ACSM6: variants seen among roughly 807,000 people sequenced by gnomAD.
ACSM6 encodes acyl-CoA synthetase medium chain family member 6, also known as acyl-coenzyme A synthetase ACSM6, mitochondrial.
A neutral mutation model predicts 51.1 loss-of-function variants in ACSM6; 35 were observed. The observed-to-expected ratio is 0.69, with a 90% CI of 0.52 to 0.91. The LOEUF (loss-of-function observed/expected upper bound fraction) is 0.91, where lower values mean the gene tolerates loss of function less well. Among genes scored for constraint, ACSM6 ranks in the 40% least tolerant of loss-of-function variants. The pLI is 0.00. For synonymous variants in ACSM6, 172 were observed against 207.3 expected (o/e 0.83, Z 1.46); for missense variants, 509 against 584.1 (o/e 0.87, Z 1.32).
chr10:95,194,727 T>C, intron 2 of ACSM6, 50 bp downstream of exon 2: 1 of 1,466,772 alleles, frequency 6.8e-7, no homozygotes, highest in East Asian at 2.5e-5. Flanking sequence ...GGCCAGTTGG[T>C]AAAGCGTCCA....
intron 7 of ACSM6, 88 bp from the exon 8 acceptor site, chr10:95,214,764 G>A: frequency 7.1e-7 from 1 of 1,406,574 alleles, no homozygotes; most frequent in Non-Finnish European, 9.6e-7. Context: ...TGGAATAACT[G>A]CATCATTTTT....
chr10:95,204,544 ACT>A (rs368329119), intron 3 of ACSM6, among the ~76,000 whole-genome samples: 105 of 151,986 alleles, frequency 6.9e-4, no homozygotes, highest in African/African-American at 2.3e-3. Context: ...CCAGAATGAG[ACT>A]CTGTCTATTT....
At position 95,212,009 on chromosome 10, in the gene ACSM6, C is replaced by T. The variant is rs145699586; in HGVS notation, c.887C>T (p.Thr296Ile). 12 of 1,613,970 alleles carry T rather than the reference C, an allele frequency of 7.4e-6. No homozygotes were observed. In the African/African-American group the frequency reaches 1.1e-4, roughly 14 times the overall value. The change falls in exon 6 of 11, where the codon ACC (threonine) becomes ATC (isoleucine). Residue 296 changes from threonine (T) to isoleucine (I), a missense_variant. By Grantham distance (89) the Thr-to-Ile change is moderately conservative. Coordinates refer to ENST00000341686, the Ensembl canonical transcript of ACSM6. The stretch of plus-strand genomic sequence containing the variant: ...TGTGTGTTTCTGTGTCACATGCCAA[C>T]CTTCTGCCCTGAGACTGTTCTAAAT...
intron 3 of ACSM6, among the ~76,000 whole-genome samples, chr10:95,205,495 T>C (rs1423338475): frequency 1.3e-5 from 2 of 152,168 alleles, no homozygotes; most frequent in Non-Finnish European, 2.9e-5. Flanking sequence ...ATCCCATTCA[T>C]GAGACCTCCA....
At chr10:95,200,248 C>CA (rs1197679733) in intron 2 of ACSM6, among the ~76,000 whole-genome samples, 20 of 147,438 alleles carry the variant, frequency 1.4e-4, no homozygotes, top group Admixed American at 6.3e-4. Context: ...ATCGCAAGGA[C>CA]AAAAAACCAA....
At chr10:95,202,257 T>G in intron 3 of ACSM6, 62 bp downstream of exon 3, 2 of 1,361,458 alleles carry the variant, frequency 1.5e-6, no homozygotes, top group Non-Finnish European at 2.1e-6. Flanking sequence ...CCTCAGTTAT[T>G]CACAGAATGG....
intron 8 of ACSM6, among the ~76,000 whole-genome samples, chr10:95,216,470 C>T (rs1001530452): frequency 9.2e-5 from 14 of 152,048 alleles, no homozygotes; most frequent in African/African-American, 2.9e-4. Flanking sequence ...GGGATGACAG[C>T]GGGACCTGGA....
At chr10:95,202,682 G>C (rs972856707) in intron 3 of ACSM6, among the ~76,000 whole-genome samples, 2 of 151,982 alleles carry the variant, frequency 1.3e-5, no homozygotes, top group African/African-American at 4.8e-5. Flanking sequence ...CCAACACTTC[G>C]GGAGGCCAAG....
intron 1 of ACSM6, 65 bp downstream of exon 1, chr10:95,194,368 ATTGT>A: frequency 4.2e-6 from 4 of 947,312 alleles, no homozygotes; most frequent in Non-Finnish European, 6.2e-6. Flanking sequence ...TCATAAGGAA[ATTGT>A]TTGCCTTATG....
At chr10:95,203,836 T>G (rs978644609) in intron 3 of ACSM6, among the ~76,000 whole-genome samples, 9 of 141,534 alleles carry the variant, frequency 6.4e-5, no homozygotes, top group Non-Finnish European at 9.0e-5. Context: ...TGCCTTTGCC[T>G]GCTAACAGGG....
intron 3 of ACSM6, among the ~76,000 whole-genome samples, chr10:95,205,957 G>A (rs2034835574): frequency 6.6e-6 from 1 of 152,136 alleles, no homozygotes; most frequent in African/African-American, 2.4e-5. Flanking sequence ...ACTCGAATTA[G>A]ATGAACTCCC....
At chr10:95,217,122 G>A (rs2034952564) in intron 8 of ACSM6, among the ~76,000 whole-genome samples, 1 of 151,906 alleles carries the variant, frequency 6.6e-6, no homozygotes, top group Non-Finnish European at 1.5e-5. Flanking sequence ...GGCCAAGGCA[G>A]GCAAATCACA....
intron 7 of ACSM6, among the ~76,000 whole-genome samples, chr10:95,213,694 G>T (rs968010293): frequency 3.3e-5 from 5 of 152,102 alleles, no homozygotes; most frequent in African/African-American, 1.2e-4. Flanking sequence ...ATTCCCTAGG[G>T]TACCAACTAA....
chr10:95,217,148 G>A lies in ACSM6; in HGVS notation c.1119+2173G>A, dbSNP rs552026380. ...GCAAATCACAAGGTCAAGAGATTGA[G>A]ACCATCCTGGCCAACATGTGAAACC... On this transcript the variant is annotated intron_variant, in intron 8 of 10. Transcript: ENST00000341686. Among the ~76,000 whole-genome samples the A allele has an allele frequency of 2.0e-5, 3 of 150,778 alleles. No individual in the cohort carries two copies. In the South Asian group the frequency reaches 6.2e-4, roughly 31 times the overall value.
intron 2 of ACSM6, among the ~76,000 whole-genome samples, chr10:95,199,078 T>A (rs1483734807): frequency 6.6e-6 from 1 of 152,190 alleles, no homozygotes; most frequent in Non-Finnish European, 1.5e-5. Context: ...GCTGGAGGCA[T>A]CATGCTACCT....
In ACSM6 at chr10:95,215,416, CTATT is replaced by C. The variant is rs895104534; in HGVS notation, c.1119+444_1119+447del. On this transcript the variant is annotated intron_variant, in intron 8 of 10. Transcript: ENST00000341686. ...GAGCATTAATCTTCAAAGTCACTAA[CTATT>C]TAGTTGTGTCATTTTCTCCAATATC... is the stretch of plus-strand genomic sequence containing the variant. Among the ~76,000 whole-genome samples, 13 of 152,288 alleles carry C rather than the reference CTATT, an allele frequency of 8.5e-5. No individual in the cohort carries two copies. In the East Asian group the frequency reaches 9.6e-4, roughly 11 times the overall value.
At position 95,210,605 on chromosome 10, in the gene ACSM6, G is replaced by C. The variant is rs199746014; in HGVS notation, c.612-45G>C. On this transcript the variant is annotated intron_variant, in intron 4 of 10. Coordinates refer to ENST00000341686, the Ensembl canonical transcript of ACSM6. Reference sequence around the variant, plus strand: ...CCCAGGGCCTAGGCACTTAATCAGAGAACCTAAATTTAGATCTCACTGTTG... The same window carrying C: ...CCCAGGGCCTAGGCACTTAATCAGACAACCTAAATTTAGATCTCACTGTTG... 55 of 1,580,248 alleles carry C rather than the reference G, an allele frequency of 3.5e-5. No individual in the cohort carries two copies. In the East Asian group the frequency reaches 1.1e-3, roughly 32 times the overall value.
intron 9 of ACSM6, among the ~76,000 whole-genome samples, chr10:95,224,614 G>C (rs2035022288): frequency 6.6e-6 from 1 of 152,152 alleles, no homozygotes; most frequent in Non-Finnish European, 1.5e-5. Context: ...TGGTCAGGCT[G>C]GTCTCGAACT....
exon 9 of ACSM6, chr10:95,219,910 C>T: frequency 2.5e-6 from 4 of 1,613,686 alleles, no homozygotes; most frequent in Non-Finnish European, 1.7e-6. Context: ...TGTGCCACTT[C>T]CAAAACAATA....
Sources: gnomAD v4.1 joint callset for allele counts (sites outside exome capture counted in the v4.1 genomes callset) on GRCh38, gnomAD v4.1.1 for gene constraint, MANE v1.5 for transcripts, NCBI Gene and HGNC (gene_info 2026-07-23, HGNC 2026-07-21) for gene names.